The following SCD5 variants were observed in gnomAD, a reference collection of about 807,000 sequenced individuals.
SCD5 encodes acyl-CoA-desaturase 4.
A neutral mutation model predicts 30.4 loss-of-function variants in SCD5; 20 were observed. That is an observed-to-expected ratio of 0.66 (90% confidence interval 0.46 to 0.96). SCD5 has a LOEUF of 0.96. SCD5 is among the 40% of genes least tolerant of loss of function. The pLI is 0.00. For synonymous variants in SCD5, 173 were observed against 176.4 expected, an observed-to-expected ratio of 0.98 and a Z score of 0.16; for missense variants, 381 against 443.3, an observed-to-expected ratio of 0.86 and a Z score of 1.26.
At chr4:82,793,650 T>A (rs191993707) in intron 1 of SCD5, among the ~76,000 whole-genome samples, 1 of 152,016 alleles carries the variant, frequency 6.6e-6, no homozygotes, top group African/African-American at 2.4e-5. Flanking sequence ...CAGTGAATAA[T>A]TAACACCAAC....
At chr4:82,657,722 T>C (rs1727893591) in intron 3 of SCD5, among the ~76,000 whole-genome samples, 1 of 152,230 alleles carries the variant, frequency 6.6e-6, no homozygotes. Context: ...TGATTCTTTC[T>C]ATCCATGAAC....
chr4:82,736,608 CA>C (rs36051224), intron 1 of SCD5, among the ~76,000 whole-genome samples: 86,190 of 148,776 alleles, frequency 0.58, 25,233 homozygotes, highest in South Asian at 0.76. Context: ...GACTTTGCCT[CA>C]AAAAAAAAAA....
chr4:82,691,554 C>T (rs1221772945), intron 2 of SCD5, among the ~76,000 whole-genome samples: 1 of 152,062 alleles, frequency 6.6e-6, no homozygotes, highest in Non-Finnish European at 1.5e-5. Flanking sequence ...GTGCCTGGTT[C>T]TTGGCACAGA....
intron 1 of SCD5, among the ~76,000 whole-genome samples, chr4:82,723,750 G>T (rs1199798112): frequency 6.6e-6 from 1 of 152,150 alleles, no homozygotes; most frequent in African/African-American, 2.4e-5. Flanking sequence ...AGGGAAGGTA[G>T]AAACAATCAC....
chr4:82,757,266 C>T (rs1044087590), intron 1 of SCD5, among the ~76,000 whole-genome samples: 7 of 152,114 alleles, frequency 4.6e-5, no homozygotes, highest in African/African-American at 1.7e-4. Flanking sequence ...GTGGAAAAGT[C>T]CTTTAGGTCT....
intron 3 of SCD5, among the ~76,000 whole-genome samples, chr4:82,663,601 T>C (rs1728072869): frequency 6.6e-6 from 1 of 152,232 alleles, no homozygotes; most frequent in Non-Finnish European, 1.5e-5. Flanking sequence ...GGTGATGACC[T>C]TGAGCAGCAG....
At chr4:82,787,622 T>C (rs1221570658) in intron 1 of SCD5, among the ~76,000 whole-genome samples, 3 of 152,194 alleles carry the variant, frequency 2.0e-5, no homozygotes, top group African/African-American at 7.2e-5. Flanking sequence ...AATTCCTATG[T>C]TGAAATCCTT....
chr4:82,746,504 T>G (rs62311825), intron 1 of SCD5, among the ~76,000 whole-genome samples: 9,908 of 152,238 alleles, frequency 0.065, 488 homozygotes, highest in East Asian at 0.15. Context: ...GAATTTTCTC[T>G]CTTCAGATCA....
chr4:82,785,672 G>A (rs1158293268), intron 1 of SCD5, among the ~76,000 whole-genome samples: 1 of 152,064 alleles, frequency 6.6e-6, no homozygotes, highest in Non-Finnish European at 1.5e-5. Context: ...GACAAGGGGT[G>A]GAGAGAAAAT....
intron 2 of SCD5, chr4:82,692,321 C>T (rs1468939358): frequency 1.9e-5 from 3 of 155,560 alleles, no homozygotes; most frequent in African/African-American, 4.8e-5. Context: ...CACCTACTTC[C>T]TGCTGAAAGC....
chr4:82,702,549 G>T (rs1188706103), intron 2 of SCD5, among the ~76,000 whole-genome samples: 1 of 152,096 alleles, frequency 6.6e-6, no homozygotes, highest in Admixed American at 6.5e-5. Flanking sequence ...AGTTTAAAAT[G>T]TTTAAGTCTC....
intron 1 of SCD5, among the ~76,000 whole-genome samples, chr4:82,786,048 A>G (rs919370641): frequency 1.3e-5 from 2 of 152,232 alleles, no homozygotes; most frequent in Admixed American, 6.5e-5. Flanking sequence ...ATTCATTTCT[A>G]ACTTCATGCA....
intron 3 of SCD5, among the ~76,000 whole-genome samples, chr4:82,654,532 G>C (rs910664316): frequency 6.6e-6 from 1 of 152,052 alleles, no homozygotes; most frequent in Non-Finnish European, 1.5e-5. Context: ...TTTTGAAGGC[G>C]TGAAAGCATT....
At chr4:82,677,711 A>T (rs1418827787) in intron 3 of SCD5, among the ~76,000 whole-genome samples, 1 of 152,234 alleles carries the variant, frequency 6.6e-6, no homozygotes, top group African/African-American at 2.4e-5. Context: ...ACACATCTGA[A>T]GACAGCTGTA....
chr4:82,688,822 T>G (rs1364127083), intron 2 of SCD5, among the ~76,000 whole-genome samples: 1 of 152,254 alleles, frequency 6.6e-6, no homozygotes, highest in Non-Finnish European at 1.5e-5. Context: ...TATTACTCTT[T>G]TGTTTAAATC....
intron 3 of SCD5, among the ~76,000 whole-genome samples, chr4:82,679,235 AGAAAGAAAGAAAGAAAG>A (rs1728506114): frequency 7.7e-6 from 1 of 129,990 alleles, no homozygotes. Flanking sequence ...AAAGAAAGAA[AGAAAGAAAGAAAGAAAG>A]AAAGAAAGAA....
At chr4:82,774,599 A>G (rs967208931) in intron 1 of SCD5, among the ~76,000 whole-genome samples, 3 of 152,216 alleles carry the variant, frequency 2.0e-5, no homozygotes, top group Non-Finnish European at 4.4e-5. Flanking sequence ...GAAAAGAAAG[A>G]GTAGCCCCAG....
At chr4:82,704,431 T>A (rs1301960338) in intron 2 of SCD5, among the ~76,000 whole-genome samples, 1 of 152,168 alleles carries the variant, frequency 6.6e-6, no homozygotes, top group Non-Finnish European at 1.5e-5. Context: ...AGATTAGGAA[T>A]TGGGAAAACA....
intron 2 of SCD5, 70 bp downstream of exon 2, chr4:82,705,213 A>T: frequency 6.4e-7 from 1 of 1,572,764 alleles, no homozygotes; most frequent in Non-Finnish European, 8.7e-7. Flanking sequence ...GTGTCAGCCC[A>T]TCTTTCCCCT....
Sources: gnomAD v4.1 joint callset for allele counts (sites outside exome capture counted in the v4.1 genomes callset) on GRCh38, gnomAD v4.1.1 for gene constraint, MANE v1.5 for transcripts, NCBI Gene and HGNC (gene_info 2026-07-23, HGNC 2026-07-21) for gene names.